ZNF148: variants seen among roughly 807,000 people sequenced by gnomAD.
ZNF148 encodes the protein Beta-Enolase Repressor Factor-1.
In ZNF148, 7 loss-of-function variants were observed where a neutral mutation model predicts 67.7. That is an observed-to-expected ratio of 0.10 (90% CI 0.06 to 0.19). ZNF148 has a LOEUF of 0.19. ZNF148 is among the 10% of genes least tolerant of loss of function. The pLI is 1.00. For synonymous variants in ZNF148, 333 were observed against 330.7 expected (o/e 1.01, Z -0.08); for missense variants, 583 against 947.1 (o/e 0.62, Z 5.05).
intron 5 of ZNF148, among the ~76,000 whole-genome samples, chr3:125,286,768 A>G (rs527895050): frequency 3.9e-5 from 6 of 152,340 alleles, no homozygotes; most frequent in Admixed American, 3.9e-4. Flanking sequence ...TTTATTCTAT[A>G]TTATACCTCC....
intron 2 of ZNF148, among the ~76,000 whole-genome samples, chr3:125,330,603 G>A (rs941945588): frequency 6.6e-6 from 1 of 151,888 alleles, no homozygotes; most frequent in Non-Finnish European, 1.5e-5. Flanking sequence ...TGAGGCAAGA[G>A]GACTACTTGA....
chr3:125,227,490 A>T lies in ZNF148; in HGVS notation c.*4851T>A, dbSNP rs914111212. The T allele has an allele frequency of 6.6e-6, 1 of 152,618 alleles. No homozygotes were observed. The highest frequency in any genetic ancestry group is 2.4e-5 in the African/African-American group (1 of 41,450). 9.5% of individuals were successfully genotyped at this position (152,618 alleles called of 1,614,324 possible). A position where few individuals can be genotyped will look rare whatever the true frequency, so the allele number is the denominator to read the frequency against. The stretch of plus-strand genomic sequence containing the variant: ...TTAATTTCTTCTGTACAATGTTTAT[A>T]AACTTGTTTTTCTTTTCAAAATCAT... On this transcript the variant is annotated 3_prime_UTR_variant, in exon 9 of 9. Transcript: ENST00000360647.
chr3:125,300,561 G>T (rs74959482), intron 4 of ZNF148, among the ~76,000 whole-genome samples: 2 of 152,094 alleles, frequency 1.3e-5, no homozygotes, highest in Non-Finnish European at 2.9e-5. Flanking sequence ...ACGAAAATGC[G>T]TAACAGTATG....
At chr3:125,250,365 A>G (rs1296534926) in intron 7 of ZNF148, among the ~76,000 whole-genome samples, 1 of 152,216 alleles carries the variant, frequency 6.6e-6, no homozygotes, top group East Asian at 1.9e-4. Flanking sequence ...TCATGATGCT[A>G]ATAAACCAAG....
In ZNF148 at chr3:125,351,823, C is replaced by T. The variant is rs1942163757; in HGVS notation, c.-233-20585G>A. Among the ~76,000 whole-genome samples, 4 of 152,144 alleles carry T rather than the reference C, an allele frequency of 2.6e-5. No individual in the cohort carries two copies. In the South Asian group the frequency reaches 8.3e-4, roughly 32 times the overall value. On this transcript the variant is annotated intron_variant, in intron 1 of 8. Coordinates refer to ENST00000360647, the MANE Select transcript of ZNF148 (RefSeq NM_021964.3). ...GCTCCACAGCATTAGCCAACAGAGA[C>T]ATGCTAATCAAACCATGAAATACTG...
chr3:125,336,129 T>G (rs901934484), intron 1 of ZNF148, among the ~76,000 whole-genome samples: 4 of 152,252 alleles, frequency 2.6e-5, no homozygotes, highest in Admixed American at 6.5e-5. Flanking sequence ...CAATGAAACG[T>G]GTAATGCTTA....
Position 125,233,200 on chromosome 3 carries a change from A to G in ZNF148, c.1526T>C (p.Ile509Thr). Residue 509 changes from isoleucine (I) to threonine (T), a missense_variant, in exon 9 of 9, where the codon ATT becomes ACT. Transcript: ENST00000360647. The surrounding 1 kb of genome is among the most constrained non-coding windows in gnomAD (Gnocchi z 5.1). ...TATGGATGCCGTGGTACTTTCATCAATGACACTTGCCACAGCTGCTTGTGT... is the reference window on the plus strand; with the variant it reads ...TATGGATGCCGTGGTACTTTCATCAGTGACACTTGCCACAGCTGCTTGTGT... ...SVTQAAVASV[I>T]DESTTASILE... 1 of 1,613,874 alleles carries G rather than the reference A, an allele frequency of 6.2e-7. No homozygotes were observed. The highest frequency in any genetic ancestry group is 8.5e-7 in the Non-Finnish European group (1 of 1,179,892).
intron 7 of ZNF148, among the ~76,000 whole-genome samples, chr3:125,273,399 AG>A (rs1937863544): frequency 1.3e-5 from 2 of 152,286 alleles, no homozygotes; most frequent in Admixed American, 6.5e-5. Flanking sequence ...TAAGAACTAA[AG>A]GCTTAAAAAA....
intron 1 of ZNF148, among the ~76,000 whole-genome samples, chr3:125,332,269 T>C (rs1941321603): frequency 6.6e-6 from 1 of 152,214 alleles, no homozygotes; most frequent in Non-Finnish European, 1.5e-5. Flanking sequence ...ACTTGATTTC[T>C]ACTAAGCTCC....
Position 125,232,326 on chromosome 3 carries a change from A to G in ZNF148, c.*15T>C, listed in dbSNP as rs1216247244. The G allele has an allele frequency of 6.8e-7, 1 of 1,479,570 alleles. No homozygotes were observed. Among genetic ancestry groups the G allele is most frequent in the African/African-American group, 2.1e-5 (1 of 48,420 alleles). 91.7% of individuals were successfully genotyped at this position (1,479,570 alleles called of 1,614,324 possible). On this transcript the variant is annotated 3_prime_UTR_variant, in exon 9 of 9. Coordinates refer to ENST00000360647, the MANE Select transcript of ZNF148 (RefSeq NM_021964.3). This position sits in a 1 kb window ranked among gnomAD's most constrained non-coding sequence, Gnocchi z 4.2. ...GTTCTAAAGTGCCAGTATTATTTAC[A>G]CTTTTTTTTTTTTTTTAGCCAAAAG...
chr3:125,313,737 T>C (rs771113516), intron 3 of ZNF148, 81 bp from the exon 4 acceptor site: 27 of 1,139,182 alleles, frequency 2.4e-5, no homozygotes, highest in Admixed American at 5.2e-5. Context: ...AATTAAGAAT[T>C]TGAACATTCA....
At position 125,226,808 on chromosome 3, in the gene ZNF148, A is replaced by T. The variant is rs1364846635; in HGVS notation, c.*5533T>A. 1 of 152,358 alleles carries T rather than the reference A, an allele frequency of 6.6e-6. No homozygotes were observed. 9.4% of individuals were successfully genotyped at this position (152,358 alleles called of 1,614,324 possible). A position where few individuals can be genotyped will look rare whatever the true frequency, so the allele number is the denominator to read the frequency against. On this transcript the variant is annotated 3_prime_UTR_variant, in exon 9 of 9. Transcript: ENST00000360647. Reference sequence around the variant, plus strand: ...ATTTTAAAATATATCGACTTACCAAATTTCAATTGTCAGGCTGCTGACTAC... The same window carrying T: ...ATTTTAAAATATATCGACTTACCAATTTTCAATTGTCAGGCTGCTGACTAC...
intron 3 of ZNF148, among the ~76,000 whole-genome samples, chr3:125,317,274 C>T (rs1336977336): frequency 6.6e-6 from 1 of 152,040 alleles, no homozygotes; most frequent in Non-Finnish European, 1.5e-5. Flanking sequence ...TATCAATGGA[C>T]ACAAGGTTTT....
chr3:125,249,184 C>T (rs1480115835), intron 7 of ZNF148, among the ~76,000 whole-genome samples: 2 of 151,942 alleles, frequency 1.3e-5, no homozygotes, highest in East Asian at 1.9e-4. Context: ...ATGAGTAGGA[C>T]GTCAAACTGA....
At chr3:125,263,588 C>T (rs1235051478) in intron 7 of ZNF148, among the ~76,000 whole-genome samples, 1 of 151,906 alleles carries the variant, frequency 6.6e-6, no homozygotes, top group Non-Finnish European at 1.5e-5. Flanking sequence ...TTTTTGTCCC[C>T]AGGTCCAGAC....
At chr3:125,286,958 A>G (rs1208144482) in intron 5 of ZNF148, among the ~76,000 whole-genome samples, 1 of 152,192 alleles carries the variant, frequency 6.6e-6, no homozygotes, top group Non-Finnish European at 1.5e-5. Flanking sequence ...ACCACCAACT[A>G]AGGAATCAGG....
chr3:125,352,539 T>C (rs1373541822), intron 1 of ZNF148, among the ~76,000 whole-genome samples: 2 of 152,120 alleles, frequency 1.3e-5, no homozygotes, highest in East Asian at 3.8e-4. Flanking sequence ...GGTATATAAG[T>C]TATACCTCAA....
At position 125,350,658 on chromosome 3, in the gene ZNF148, G is replaced by A. The variant is rs751072104; in HGVS notation, c.-233-19420C>T. Among the ~76,000 whole-genome samples the A allele has an allele frequency of 3.7e-4, 56 of 152,236 alleles. 1 individual carries two copies. The highest frequency in any genetic ancestry group is 2.7e-3 in the Admixed American group (41 of 15,296). On this transcript the variant is annotated intron_variant, in intron 1 of 8. Coordinates refer to ENST00000360647, the MANE Select transcript of ZNF148 (RefSeq NM_021964.3). ...CATGTAAAACAGATTCCTCACCTGC[G>A]CCGTTAAAAATAGGCTTCACGCTCC...
chr3:125,317,407 T>C (rs376853605), intron 3 of ZNF148, among the ~76,000 whole-genome samples: 6 of 152,062 alleles, frequency 3.9e-5, no homozygotes, highest in Non-Finnish European at 8.8e-5. Flanking sequence ...GGTTTATTCA[T>C]AGACATTCAC....
Sources: gnomAD v4.1 joint callset for allele counts (sites outside exome capture counted in the v4.1 genomes callset) on GRCh38, gnomAD v4.1.1 for gene constraint, Gnocchi (gnomAD v3.1) non-coding constraint, MANE v1.5 for transcripts, NCBI Gene and HGNC (gene_info 2026-07-23, HGNC 2026-07-21) for gene names.